Variants in SEPTIN9 observed in about 807,000 individuals in gnomAD.
The protein encoded by SEPTIN9 is septin-9.
SEPTIN9 carries 13 observed loss-of-function variants against 56.6 expected under a neutral mutation model. The observed-to-expected ratio is 0.23, with a 90% CI of 0.15 to 0.37. SEPTIN9 has a LOEUF of 0.37. SEPTIN9 is among the 10% of genes least tolerant of loss of function. The pLI is 1.00. For synonymous variants in SEPTIN9, 332 were observed against 334.1 expected, an observed-to-expected ratio of 0.99 and a Z score of 0.07; for missense variants, 650 against 823.1, an observed-to-expected ratio of 0.79 and a Z score of 2.57.
At chr17:77,439,493 T>C (rs538487242) in intron 3 of SEPTIN9, among the ~76,000 whole-genome samples, 4 of 152,170 alleles carry the variant, frequency 2.6e-5, no homozygotes, top group African/African-American at 4.8e-5. Flanking sequence ...CCAGGGGTCC[T>C]AGAGAACTTG....
At chr17:77,336,092 C>T (rs1296546802) in intron 2 of SEPTIN9, among the ~76,000 whole-genome samples, 1 of 152,050 alleles carries the variant, frequency 6.6e-6, no homozygotes, top group African/African-American at 2.4e-5. Context: ...TGTTGAGACA[C>T]TATTGTGTTT....
At chr17:77,420,636 G>A (rs559199405) in intron 3 of SEPTIN9, among the ~76,000 whole-genome samples, 17 of 152,068 alleles carry the variant, frequency 1.1e-4, no homozygotes, top group Admixed American at 5.2e-4. Context: ...CCTGCCGGCC[G>A]TTCCTCCTGC....
At position 77,450,099 on chromosome 17, in the gene SEPTIN9, C is replaced by T. The variant is rs968672256; in HGVS notation, c.722-32045C>T. ...GGAGACCAGTAGCAGCAGCTCCCCA[C>T]GGCCGTTCACTGTGAGGGTGGGGAG... On this transcript the variant is annotated intron_variant, in intron 3 of 11. Coordinates refer to ENST00000427177, the MANE Select transcript of SEPTIN9 (RefSeq NM_001113491.2). This position sits in a 1 kb window ranked among gnomAD's most constrained non-coding sequence, Gnocchi z 6.0. Among the ~76,000 whole-genome samples the T allele has an allele frequency of 2.6e-5, 4 of 152,194 alleles. No homozygotes were observed. The highest frequency in any genetic ancestry group is 7.2e-5 in the African/African-American group (3 of 41,448).
At chr17:77,468,912 G>A (rs114689001) in intron 3 of SEPTIN9, among the ~76,000 whole-genome samples, 1 of 152,298 alleles carries the variant, frequency 6.6e-6, no homozygotes, top group African/African-American at 2.4e-5. Context: ...CCCGGCCCCT[G>A]GAGATCTAGC....
At chr17:77,463,191 T>C (rs2144512149) in intron 3 of SEPTIN9, among the ~76,000 whole-genome samples, 1 of 152,344 alleles carries the variant, frequency 6.6e-6, no homozygotes, top group Admixed American at 6.5e-5. Context: ...TGAGTTCTTC[T>C]TGGACCTGCC....
intron 2 of SEPTIN9, among the ~76,000 whole-genome samples, chr17:77,359,163 G>T (rs1336529578): frequency 6.6e-6 from 1 of 152,134 alleles, no homozygotes; most frequent in Non-Finnish European, 1.5e-5. Context: ...CAGTTGTATG[G>T]CCGCTCCTGT....
At position 77,500,199 on chromosome 17, in the gene SEPTIN9, C is replaced by T. The variant is rs1419767724; in HGVS notation, c.*1541C>T. On this transcript the variant is annotated 3_prime_UTR_variant, in exon 12 of 12. Coordinates refer to ENST00000427177, the MANE Select transcript of SEPTIN9 (RefSeq NM_001113491.2). ...GAGTGTGTGTGCATGGAAGTTGGGG[C>T]ACTGGGCGTCTGACTCCCTCCCCAC... 1.3e-5 allele frequency: 3 copies of T among 232,572 alleles called. No homozygotes were observed. The highest frequency in any genetic ancestry group is 2.6e-5 in the Non-Finnish European group (3 of 117,474). The allele number at this position is 232,572 out of a possible 1,614,324, so 14.4% of individuals were successfully genotyped here. A position where few individuals can be genotyped will look rare whatever the true frequency, so the allele number is the denominator to read the frequency against.
Position 77,369,797 on chromosome 17 carries a change from A to G in SEPTIN9, c.77-32262A>G, listed in dbSNP as rs1399587089. Among the ~76,000 whole-genome samples, 1 of 152,096 alleles carries G rather than the reference A, an allele frequency of 6.6e-6. No individual in the cohort carries two copies. The highest frequency in any genetic ancestry group is 1.5e-5 in the Non-Finnish European group (1 of 67,996). On this transcript the variant is annotated intron_variant, in intron 2 of 11. Coordinates refer to ENST00000427177, the MANE Select transcript of SEPTIN9 (RefSeq NM_001113491.2). This position sits in a 1 kb window ranked among gnomAD's most constrained non-coding sequence, Gnocchi z 4.9. Reference sequence around the variant, plus strand: ...GCTTCCCTGCCAGCTGAGCCTCTCCATGGAGGCTGTGCCTGGAGGGGGGTC... The same window carrying G: ...GCTTCCCTGCCAGCTGAGCCTCTCCGTGGAGGCTGTGCCTGGAGGGGGGTC...
chr17:77,344,170 A>G (rs2033817949), intron 2 of SEPTIN9, among the ~76,000 whole-genome samples: 1 of 99,720 alleles, frequency 1.0e-5, no homozygotes, highest in South Asian at 4.8e-4. Flanking sequence ...AACTCCTACA[A>G]CTAAGCCACA....
Position 77,306,014 on chromosome 17 carries a change from G to A in SEPTIN9, c.20-1127G>A, listed in dbSNP as rs1401576737. On this transcript the variant is annotated intron_variant, in intron 1 of 11. Coordinates refer to ENST00000427177, the MANE Select transcript of SEPTIN9 (RefSeq NM_001113491.2). ...TGGATTGGTGGGTGGGTGGGTGGGT[G>A]AAGGGCTGAATAGGTGGGTTGGGTG... Among the ~76,000 whole-genome samples, 9 of 135,230 alleles carry A rather than the reference G, an allele frequency of 6.7e-5. 1 individual carries two copies. Among genetic ancestry groups the A allele is most frequent in the Non-Finnish European group, 1.3e-4 (8 of 62,642 alleles). The allele number at this position is 135,230 out of a possible 152,430, so 88.7% of individuals were successfully genotyped here. A position where few individuals can be genotyped will look rare whatever the true frequency, so the allele number is the denominator to read the frequency against.
chr17:77,364,736 T>C (rs1316112873), intron 2 of SEPTIN9, among the ~76,000 whole-genome samples: 1 of 152,144 alleles, frequency 6.6e-6, no homozygotes, highest in African/African-American at 2.4e-5. Context: ...ATCTCCCCGC[T>C]CCCTCATACT....
intron 3 of SEPTIN9, among the ~76,000 whole-genome samples, chr17:77,459,104 C>A (rs2038345724): frequency 6.6e-6 from 1 of 152,238 alleles, no homozygotes; most frequent in South Asian, 2.1e-4. Context: ...TGAGCCTGCA[C>A]CTGCTCCTCA....
chr17:77,297,699 C>A (rs2031877912), intron 1 of SEPTIN9, among the ~76,000 whole-genome samples: 1 of 152,208 alleles, frequency 6.6e-6, no homozygotes, highest in African/African-American at 2.4e-5. Context: ...CTGTGACAAG[C>A]ACTGGGGCAC....
At chr17:77,331,451 G>A (rs72896129) in intron 2 of SEPTIN9, among the ~76,000 whole-genome samples, 28,488 of 151,760 alleles carry the variant, frequency 0.19, 2,871 homozygotes, top group Middle Eastern at 0.26. Context: ...GTGGGGGGAG[G>A]TTATGAAGCA....
chr17:77,370,838 C>T (rs1444695767), intron 2 of SEPTIN9, among the ~76,000 whole-genome samples: 1 of 152,098 alleles, frequency 6.6e-6, no homozygotes, highest in African/African-American at 2.4e-5. Flanking sequence ...TCCTGGAGCC[C>T]CAGACTGGAC....
intron 1 of SEPTIN9, among the ~76,000 whole-genome samples, chr17:77,299,033 C>T (rs990251840): frequency 6.6e-6 from 1 of 152,238 alleles, no homozygotes. Context: ...TACCTACCTC[C>T]TGGAGCAGGC....
Position 77,451,484 on chromosome 17 carries a change from G to A in SEPTIN9, c.722-30660G>A, listed in dbSNP as rs1266843946. The A allele has an allele frequency of 2.1e-5, 21 of 985,664 alleles. No individual in the cohort carries two copies. Among genetic ancestry groups the A allele is most frequent in the Middle Eastern group, 5.1e-4 (1 of 1,942 alleles). 61.1% of individuals were successfully genotyped at this position (985,664 alleles called of 1,614,324 possible). ...AGCCATGTGACCCGGTGGGCGGGCCGCGGCTCTCGGCGCGTCCAGCGCAGC... is the reference window on the plus strand; with the variant it reads ...AGCCATGTGACCCGGTGGGCGGGCCACGGCTCTCGGCGCGTCCAGCGCAGC... On this transcript the variant is annotated intron_variant, in intron 3 of 11. Transcript: ENST00000427177. This position sits in a 1 kb window ranked among gnomAD's most constrained non-coding sequence, Gnocchi z 4.2.
intron 1 of SEPTIN9, among the ~76,000 whole-genome samples, chr17:77,297,408 C>T (rs2031866272): frequency 6.6e-6 from 1 of 152,070 alleles, no homozygotes; most frequent in East Asian, 1.9e-4. Context: ...GGATCTTTAC[C>T]ACTCAGCCCA....
chr17:77,355,456 C>T (rs1359613436), intron 2 of SEPTIN9, among the ~76,000 whole-genome samples: 1 of 152,210 alleles, frequency 6.6e-6, no homozygotes, highest in African/African-American at 2.4e-5. Context: ...CAAGATTCTG[C>T]CCCTGCACAT....
Sources: gnomAD v4.1 joint callset for allele counts (sites outside exome capture counted in the v4.1 genomes callset) on GRCh38, gnomAD v4.1.1 for gene constraint, Gnocchi (gnomAD v3.1) non-coding constraint, MANE v1.5 for transcripts, NCBI Gene and HGNC (gene_info 2026-07-23, HGNC 2026-07-21) for gene names.